Variants in ZBED6 observed in about 807,000 individuals in gnomAD.
The protein encoded by ZBED6 is zinc finger BED domain-containing protein 6.
A neutral mutation model predicts 58.4 loss-of-function variants in ZBED6; 40 were observed. The ratio of observed to expected loss-of-function variants is 0.68; its 90% CI spans 0.53 to 0.89. The LOEUF (loss-of-function observed/expected upper bound fraction) is 0.89. ZBED6 is among the 40% of genes least tolerant of loss of function. ZBED6 has a pLI of 0.00. For synonymous variants in ZBED6, 439 were observed against 350.6 expected (o/e 1.25, Z -2.82); for missense variants, 1,057 against 1,003.9 (o/e 1.05, Z -0.71).
chr1:203,809,141 A>C (rs1035471011), intron 1 of ZBED6, among the ~76,000 whole-genome samples: 2 of 98,338 alleles, frequency 2.0e-5, no homozygotes, highest in African/African-American at 7.8e-5. Context: ...GAGTTTTCTT[A>C]TTATTTTTGA....
chr1:203,821,682 G>A (rs1678743837), intron 3 of ZBED6, among the ~76,000 whole-genome samples: 1 of 151,976 alleles, frequency 6.6e-6, no homozygotes, highest in African/African-American at 2.4e-5. Flanking sequence ...TCACTTTCAG[G>A]TCCTCTCAGT....
exon 1 of ZBED6, chr1:203,802,196 C>T (rs924145488): frequency 6.6e-6 from 1 of 152,374 alleles, no homozygotes; most frequent in Non-Finnish European, 1.5e-5. Flanking sequence ...TCCCTGATGA[C>T]GATGATGGAT....
intron 1 of ZBED6, among the ~76,000 whole-genome samples, chr1:203,815,503 G>A (rs1309704088): frequency 2.0e-5 from 3 of 151,630 alleles, no homozygotes; most frequent in Non-Finnish European, 4.4e-5. Context: ...ATAGGTATGA[G>A]CCACTGCACC....
At chr1:203,818,851 T>C (rs1214419492) in intron 3 of ZBED6, among the ~76,000 whole-genome samples, 162 bp downstream of exon 3, 1 of 151,620 alleles carries the variant, frequency 6.6e-6, no homozygotes, top group Non-Finnish European at 1.5e-5. Flanking sequence ...GGGTAGATCA[T>C]GAGGTCAGGA....
chr1:203,840,822 C>T (rs1339639644), intron 11 of ZBED6, among the ~76,000 whole-genome samples: 1 of 151,574 alleles, frequency 6.6e-6, no homozygotes, highest in Non-Finnish European at 1.5e-5. Flanking sequence ...TTAGTAGAGA[C>T]GGGGTTTCAC....
At chr1:203,796,183 A>G (rs1362429099) in exon 1 of ZBED6, 1 of 371,974 alleles carries the variant, frequency 2.7e-6, no homozygotes, top group Non-Finnish European at 4.8e-6. Context: ...AACTGACACT[A>G]GATTGCTTTC....
rs1196281818 is a variant in ZBED6 at position 203,800,480 on chromosome 1, A to C, written c.*18A>C. On this transcript the variant is annotated 3_prime_UTR_variant, in exon 1 of 17. Coordinates refer to ENST00000550078, the Ensembl canonical transcript of ZBED6. ...TGCCTTAATTTCTTTTTCTCCATTT[A>C]AAATGGGCAACTTTTTGCTGTGTTA... The C allele has an allele frequency of 2.0e-6, 3 of 1,464,116 alleles. No homozygotes were observed. The South Asian group carries it at 4.2e-5, about 21-fold the overall frequency. The allele number at this position is 1,464,116 out of a possible 1,614,324, so 90.7% of individuals were successfully genotyped here. A position where few individuals can be genotyped will look rare whatever the true frequency, so the allele number is the denominator to read the frequency against.
At chr1:203,797,578 G>C (rs777164103) in exon 1 of ZBED6, 2 of 1,533,094 alleles carry the variant, frequency 1.3e-6, no homozygotes, top group African/African-American at 2.7e-5. Flanking sequence ...GGCAGAAGAT[G>C]CAACACTTTT....
intron 16 of ZBED6, 126 bp downstream of exon 16, chr1:203,851,250 G>A (rs1475499642): frequency 3.6e-6 from 3 of 839,188 alleles, no homozygotes; most frequent in Non-Finnish European, 5.5e-6. Context: ...CAAATTAATT[G>A]CAAGAAAGTA....
chr1:203,796,238 A>G (rs1668450314), exon 1 of ZBED6: 1 of 393,960 alleles, frequency 2.5e-6, no homozygotes, highest in South Asian at 1.4e-4. Flanking sequence ...TCACTGCCTA[A>G]ATCAATCAGA....
intron 1 of ZBED6, among the ~76,000 whole-genome samples, chr1:203,816,531 T>C (rs553494757): frequency 2.0e-5 from 3 of 152,190 alleles, no homozygotes; most frequent in Non-Finnish European, 4.4e-5. Flanking sequence ...TGGGGGAGGC[T>C]GAGGTGGGAG....
At chr1:203,832,399 C>T (rs1352993494) in intron 8 of ZBED6, among the ~76,000 whole-genome samples, 3 of 151,166 alleles carry the variant, frequency 2.0e-5, no homozygotes, top group Non-Finnish European at 2.9e-5. Context: ...CTTGCTCTGT[C>T]GCCCAGGCTA....
At chr1:203,812,333 T>A (rs539892563) in intron 1 of ZBED6, among the ~76,000 whole-genome samples, 3 of 152,286 alleles carry the variant, frequency 2.0e-5, no homozygotes, top group Admixed American at 2.0e-4. Context: ...TGTCCAAGTG[T>A]TCTCAGCATT....
chr1:203,813,143 A>G (rs1675084405), intron 1 of ZBED6, among the ~76,000 whole-genome samples: 1 of 152,156 alleles, frequency 6.6e-6, no homozygotes, highest in Non-Finnish European at 1.5e-5. Flanking sequence ...GCTTCTTAAC[A>G]GAGCTTTCAC....
chr1:203,808,561 A>G (rs1673150215), intron 1 of ZBED6, among the ~76,000 whole-genome samples: 1 of 152,074 alleles, frequency 6.6e-6, no homozygotes. Context: ...TAGGATTTCT[A>G]TTTATAGAAA....
intron 1 of ZBED6, among the ~76,000 whole-genome samples, chr1:203,814,344 C>T (rs1297383345): frequency 1.3e-5 from 2 of 152,010 alleles, no homozygotes; most frequent in East Asian, 1.9e-4. Context: ...GCCAACATGG[C>T]GAAACCCTGT....
intron 8 of ZBED6, among the ~76,000 whole-genome samples, chr1:203,832,518 G>C (rs967619775): frequency 2.0e-5 from 3 of 151,886 alleles, no homozygotes; most frequent in Non-Finnish European, 4.4e-5. Flanking sequence ...CCGCCACCAC[G>C]CCTGGCTAAT....
At chr1:203,853,392 T>C (rs1357379736) in exon 17 of ZBED6, 1 of 152,556 alleles carries the variant, frequency 6.6e-6, no homozygotes, top group Non-Finnish European at 1.5e-5. Flanking sequence ...GCCAGGGATA[T>C]TGAGATGCTC....
chr1:203,811,178 G>A (rs1333763226), intron 1 of ZBED6, among the ~76,000 whole-genome samples: 1 of 151,524 alleles, frequency 6.6e-6, no homozygotes, highest in African/African-American at 2.4e-5. Context: ...TGTGGTGGTG[G>A]GCACCTGTAA....
Sources: allele counts gnomAD v4.1 joint callset (sites outside exome capture counted in the v4.1 genomes callset), GRCh38; gene constraint gnomAD v4.1.1; transcripts MANE v1.5; gene names NCBI Gene and HGNC (gene_info 2026-07-23, HGNC 2026-07-21).